BCAS3: variants seen among roughly 807,000 people sequenced by gnomAD.
The protein encoded by BCAS3 is BCAS4/BCAS3 fusion.
In BCAS3, 53 loss-of-function variants were observed where a neutral mutation model predicts 116.1. The observed-to-expected ratio is 0.46, with a 90% confidence interval of 0.37 to 0.57. The LOEUF (loss-of-function observed/expected upper bound fraction) is 0.57, where lower values mean the gene tolerates loss of function less well. Among genes scored for constraint, BCAS3 ranks in the 20% least tolerant of loss-of-function variants. BCAS3 has a pLI of 0.00. For missense variants in BCAS3, 917 were observed against 1,165.4 expected (o/e 0.79, Z 3.10); for synonymous variants, 391 against 408.2 (o/e 0.96, Z 0.51).
intron 22 of BCAS3, among the ~76,000 whole-genome samples, chr17:61,160,116 G>A (rs2078082983): frequency 6.7e-6 from 1 of 149,148 alleles, no homozygotes. Flanking sequence ...TAGATTCAAA[G>A]ATATAAATTA....
At chr17:61,175,025 A>G (rs2079056691) in intron 22 of BCAS3, among the ~76,000 whole-genome samples, 1 of 152,140 alleles carries the variant, frequency 6.6e-6, no homozygotes, top group African/African-American at 2.4e-5. Flanking sequence ...TGGTGCAGGT[A>G]TTGGCAGGTG....
At chr17:61,230,174 C>G (rs949017294) in intron 22 of BCAS3, among the ~76,000 whole-genome samples, 1 of 134,508 alleles carries the variant, frequency 7.4e-6, no homozygotes, top group Non-Finnish European at 1.6e-5. Flanking sequence ...CACACACACA[C>G]ATAGTGTTGA....
chr17:60,772,005 G>T (rs536189932), intron 6 of BCAS3, among the ~76,000 whole-genome samples: 1 of 152,064 alleles, frequency 6.6e-6, no homozygotes, highest in African/African-American at 2.4e-5. Context: ...GAATAGTGCC[G>T]CAATAAACAT....
At chr17:60,768,418 T>C (rs374496633) in intron 6 of BCAS3, among the ~76,000 whole-genome samples, 5 of 152,180 alleles carry the variant, frequency 3.3e-5, no homozygotes, top group Non-Finnish European at 5.9e-5. Flanking sequence ...GTGAAAAGGC[T>C]AGACTGGCCT....
Position 61,347,151 on chromosome 17 carries a change from C to T in BCAS3, c.2426-21176C>T, listed in dbSNP as rs1363144609. Among the ~76,000 whole-genome samples the T allele has an allele frequency of 1.3e-5, 2 of 152,140 alleles. No individual in the cohort carries two copies. The highest frequency in any genetic ancestry group is 2.4e-5 in the African/African-American group (1 of 41,418). On this transcript the variant is annotated intron_variant, in intron 22 of 23. Transcript: ENST00000407086. This position sits in a 1 kb window ranked among gnomAD's most constrained non-coding sequence, Gnocchi z 4.3. ...GTGCAGTGGTGCAATCTCAGCTCAC[C>T]GCAACCTCCACCTCCAGGGTTCAAG...
At chr17:61,271,732 C>T (rs1405841355) in intron 22 of BCAS3, among the ~76,000 whole-genome samples, 31 of 151,812 alleles carry the variant, frequency 2.0e-4, no homozygotes, top group Admixed American at 2.0e-3. Flanking sequence ...GCTAGGATTA[C>T]AGGTGTGAGC....
intron 15 of BCAS3, among the ~76,000 whole-genome samples, chr17:60,997,913 A>G (rs897008086): frequency 6.6e-6 from 1 of 152,138 alleles, no homozygotes; most frequent in African/African-American, 2.4e-5. Flanking sequence ...ATATTGCATG[A>G]TGCTGAGGTT....
intron 22 of BCAS3, among the ~76,000 whole-genome samples, chr17:61,269,996 G>C (rs2050103549): frequency 1.3e-5 from 2 of 150,620 alleles, no homozygotes; most frequent in Non-Finnish European, 3.0e-5. Context: ...GTAGAGACGG[G>C]TTTTTGCCAT....
chr17:60,770,382 C>G (rs2044546201), intron 6 of BCAS3, among the ~76,000 whole-genome samples: 1 of 136,820 alleles, frequency 7.3e-6, no homozygotes, highest in Non-Finnish European at 1.5e-5. Flanking sequence ...CATCGCCTCT[C>G]TCATCCCAGT....
chr17:61,060,383 G>T (rs563011741), intron 19 of BCAS3, among the ~76,000 whole-genome samples: 10 of 151,006 alleles, frequency 6.6e-5, no homozygotes, highest in Admixed American at 6.6e-4. Context: ...GAGCCACCCC[G>T]CTTGGCCTCC....
At position 61,251,012 on chromosome 17, in the gene BCAS3, C is replaced by T. The variant is rs986011508; in HGVS notation, c.2426-117315C>T. Among the ~76,000 whole-genome samples, 2 of 152,196 alleles carry T rather than the reference C, an allele frequency of 1.3e-5. No individual in the cohort carries two copies. The highest frequency in any genetic ancestry group is 4.1e-4 in the South Asian group (2 of 4,834). On this transcript the variant is annotated intron_variant, in intron 22 of 23. Coordinates refer to ENST00000407086, the MANE Select transcript of BCAS3 (RefSeq NM_017679.5). The surrounding 1 kb of genome is among the most constrained non-coding windows in gnomAD (Gnocchi z 4.7). ...CAGTGTCTAATTCTACTACTTCCTC[C>T]TCCCCAAGAATTCAGATGGTGAAAC...
chr17:60,897,409 C>G (rs1024396277), intron 10 of BCAS3, among the ~76,000 whole-genome samples: 1 of 152,148 alleles, frequency 6.6e-6, no homozygotes, highest in African/African-American at 2.4e-5. Flanking sequence ...TCCATTGTAT[C>G]TGCCTGGGGA....
intron 7 of BCAS3, among the ~76,000 whole-genome samples, chr17:60,860,238 T>G (rs2054042587): frequency 6.6e-6 from 1 of 152,244 alleles, no homozygotes; most frequent in South Asian, 2.1e-4. Context: ...TTTGCACCTC[T>G]CTAATGATTA....
chr17:61,230,363 G>A (rs977188624), intron 22 of BCAS3, among the ~76,000 whole-genome samples: 7 of 151,784 alleles, frequency 4.6e-5, no homozygotes, highest in Non-Finnish European at 7.4e-5. Context: ...TTTTAGATAC[G>A]GGGGCACATG....
intron 21 of BCAS3, among the ~76,000 whole-genome samples, chr17:61,080,487 G>A (rs1001744035): frequency 2.0e-5 from 3 of 152,022 alleles, no homozygotes; most frequent in African/African-American, 4.8e-5. Context: ...GCTCACGCCT[G>A]TAATCCCAGC....
At chr17:60,843,959 A>G (rs1339986192) in intron 7 of BCAS3, among the ~76,000 whole-genome samples, 1 of 152,158 alleles carries the variant, frequency 6.6e-6, no homozygotes, top group Admixed American at 6.6e-5. Context: ...GGCACAAAGT[A>G]TACAACTAAT....
At chr17:60,976,851 A>G (rs2062416360) in intron 14 of BCAS3, among the ~76,000 whole-genome samples, 1 of 152,206 alleles carries the variant, frequency 6.6e-6, no homozygotes, top group South Asian at 2.1e-4. Flanking sequence ...CTACACAGAC[A>G]CAGTAACAAT....
intron 22 of BCAS3, among the ~76,000 whole-genome samples, chr17:61,096,731 C>A (rs189064130): frequency 8.3e-4 from 126 of 152,208 alleles, no homozygotes; most frequent in Non-Finnish European, 1.2e-3. Context: ...ACCTCCACTA[C>A]GATGTTGAAT....
Position 61,250,757 on chromosome 17 carries a change from C to T in BCAS3, c.2426-117570C>T, listed in dbSNP as rs76533513. Among the ~76,000 whole-genome samples the T allele has an allele frequency of 8.8e-3, 1,342 of 152,318 alleles. 18 individuals are homozygous for T. Among genetic ancestry groups the T allele is most frequent in the African/African-American group, 0.031 (1,283 of 41,572 alleles). The stretch of plus-strand genomic sequence containing the variant: ...AAGCTGAGCTCTGGATACTTGTAGA[C>T]TGAGACCTTGGGCGAGTTACTGCCC... On this transcript the variant is annotated intron_variant, in intron 22 of 23. Transcript: ENST00000407086.
Sources: allele counts gnomAD v4.1 joint callset (sites outside exome capture counted in the v4.1 genomes callset), GRCh38; gene constraint gnomAD v4.1.1; non-coding constraint Gnocchi (gnomAD v3.1); transcripts MANE v1.5; gene names NCBI Gene and HGNC (gene_info 2026-07-23, HGNC 2026-07-21).